The following TRAF7 variants were observed in gnomAD, a reference collection of about 807,000 sequenced individuals.
TRAF7 encodes E3 ubiquitin-protein ligase TRAF7.
Under a neutral mutation model 89.3 loss-of-function variants are expected in TRAF7, and 45 were observed. The observed-to-expected ratio is 0.50, with a 90% CI of 0.40 to 0.65. TRAF7 has a LOEUF of 0.65. Ranked by LOEUF, TRAF7 falls within the 30% of genes least tolerant of loss-of-function variation. The pLI, the probability that TRAF7 is intolerant of heterozygous loss-of-function variation, is 0.00. For missense variants in TRAF7, 677 were observed against 918.1 expected (o/e 0.74, Z 3.39); for synonymous variants, 406 against 369.2 (o/e 1.10, Z -1.14).
chr16:2,163,797 C>A lies in TRAF7; in HGVS notation c.-38-86C>A. The A allele has an allele frequency of 1.1e-6, 1 of 882,710 alleles. No homozygotes were observed. 54.7% of individuals were successfully genotyped at this position (882,710 alleles called of 1,614,324 possible). A position where few individuals can be genotyped will look rare whatever the true frequency, so the allele number is the denominator to read the frequency against. On this transcript the variant is annotated intron_variant, in intron 1 of 20. Transcript: ENST00000326181. This position sits in a 1 kb window ranked among gnomAD's most constrained non-coding sequence, Gnocchi z 4.3. ...GCGGCGGCCCCACGGTGCCCCACAGCAGGTCTGCACACTTGCAGCAGCCCG... is the reference window on the plus strand; with the variant it reads ...GCGGCGGCCCCACGGTGCCCCACAGAAGGTCTGCACACTTGCAGCAGCCCG...
In TRAF7 at chr16:2,168,147, G is replaced by T. The variant is rs751496214; in HGVS notation, c.210G>T (p.Pro70=). The change falls in exon 4 of 21, where the codon CCG becomes CCT. Residue 70 remains proline, a synonymous_variant. Transcript: ENST00000326181. The surrounding 1 kb of genome is among the most constrained non-coding windows in gnomAD (Gnocchi z 4.1). ...PSSSSTLAYS[P]RDEEDSMPPI... ...CCTCCAGCACCCTTGCCTACTCCCC[G>T]CGGGACGAGGAGGACAGCATGGTAG... is the stretch of plus-strand genomic sequence containing the variant. 2 of 1,611,566 alleles carry T rather than the reference G, an allele frequency of 1.2e-6. No homozygotes were observed. The highest frequency in any genetic ancestry group is 1.3e-5 in the African/African-American group (1 of 74,848).
chr16:2,175,045 C>T, intron 14 of TRAF7, 66 bp from the exon 15 acceptor site: 2 of 1,604,784 alleles, frequency 1.2e-6, no homozygotes, highest in Non-Finnish European at 1.7e-6. Context: ...ACCTCGGGCC[C>T]TGCCAGGGCG....
At position 2,170,741 on chromosome 16, in the gene TRAF7, G is replaced by T; in HGVS notation, c.348+11G>T. 6.3e-7 allele frequency: 1 copy of T among 1,589,600 alleles called. No homozygotes were observed. Among genetic ancestry groups the T allele is most frequent in the East Asian group, 2.3e-5 (1 of 43,440 alleles). ...GAGGAGGAGGAGCCGGTAGGTGTGG[G>T]GGACTCGGCGCAGAGCGGCTTCCAG... is the stretch of plus-strand genomic sequence containing the variant. On this transcript the variant is annotated intron_variant, in intron 5 of 20. Coordinates refer to ENST00000326181, the MANE Select transcript of TRAF7 (RefSeq NM_032271.3).
Position 2,174,039 on chromosome 16 carries a change from G to A in TRAF7, c.1254G>A (p.Lys418=). The A allele has an allele frequency of 6.2e-7, 1 of 1,613,170 alleles. No individual in the cohort carries two copies. The highest frequency in any genetic ancestry group is 8.5e-7 in the Non-Finnish European group (1 of 1,180,000). Residue 418 remains lysine (K), a synonymous_variant, in exon 13 of 21, where the codon AAG becomes AAA. Coordinates refer to ENST00000326181, the MANE Select transcript of TRAF7 (RefSeq NM_032271.3). Reference sequence around the variant, plus strand: ...TGCTCTTCAGTGGCTCCTCTGACAAGACCATCAAGGTGGGCAGGGTCCTAC... The same window carrying A: ...TGCTCTTCAGTGGCTCCTCTGACAAAACCATCAAGGTGGGCAGGGTCCTAC... The part of the protein sequence containing the change: ...GDLLFSGSSD[K]TIKVWDTCTT...
chr16:2,175,477 C>T (rs375087081), intron 16 of TRAF7, 23 bp from the exon 17 acceptor site: 8 of 1,612,786 alleles, frequency 5.0e-6, no homozygotes, highest in Non-Finnish European at 6.8e-6. Flanking sequence ...CCGCCCAGCC[C>T]ACAGTTGCAG....
chr16:2,172,462 C>T lies in TRAF7; in HGVS notation c.660-3C>T. ...GGCCTCCCCGCATCCCGCCCTGGCA[C>T]AGGGACCACGAGGGCAGCTGTGACT... On this transcript the variant is annotated splice_region_variant and splice_polypyrimidine_tract_variant and intron_variant, in intron 8 of 20. Coordinates refer to ENST00000326181, the MANE Select transcript of TRAF7 (RefSeq NM_032271.3). 6.2e-7 allele frequency: 1 copy of T among 1,610,624 alleles called. No homozygotes were observed. The highest frequency in any genetic ancestry group is 1.1e-5 in the South Asian group (1 of 90,558).
chr16:2,177,735 A>G lies in TRAF7; in HGVS notation c.*1161A>G, dbSNP rs544507949. 1 of 241,512 alleles carries G rather than the reference A, an allele frequency of 4.1e-6. No homozygotes were observed. The highest frequency in any genetic ancestry group is 6.2e-5 in the East Asian group (1 of 16,094). The allele number at this position is 241,512 out of a possible 1,614,324, so 15.0% of individuals were successfully genotyped here. ...ACGCTGACACACCCACATTCACCAA[A>G]CCCACCCGCGCCCTGGGACGCAGCC... On this transcript the variant is annotated 3_prime_UTR_variant, in exon 21 of 21. Transcript: ENST00000326181.
chr16:2,156,843 G>A (rs1018650654), intron 1 of TRAF7, among the ~76,000 whole-genome samples: 4 of 152,196 alleles, frequency 2.6e-5, no homozygotes, highest in Non-Finnish European at 5.9e-5. Flanking sequence ...GTGGACCACA[G>A]ACTTCAGAGT....
intron 16 of TRAF7, 29 bp from the exon 17 acceptor site, chr16:2,175,471 C>T (rs748352764): frequency 1.2e-6 from 2 of 1,612,686 alleles, no homozygotes; most frequent in East Asian, 2.2e-5. Flanking sequence ...CCTTGCCCGC[C>T]CAGCCCACAG....
In TRAF7 at chr16:2,178,005, G is replaced by A. The variant is rs1038895788; in HGVS notation, c.*1431G>A. The A allele has an allele frequency of 5.0e-6, 2 of 400,228 alleles. No individual in the cohort carries two copies. The highest frequency in any genetic ancestry group is 9.4e-6 in the Non-Finnish European group (2 of 212,230). 24.8% of individuals were successfully genotyped at this position (400,228 alleles called of 1,614,324 possible). On this transcript the variant is annotated 3_prime_UTR_variant, in exon 21 of 21. Coordinates refer to ENST00000326181, the MANE Select transcript of TRAF7 (RefSeq NM_032271.3). ...CTTCGTGTCCTTTCAGTTGGTAAAT[G>A]GTTTTCTATAGAATCAATAATATTT...
rs1041315590 is a variant in TRAF7, at chr16:2,158,221, A to T, written c.-39+2363A>T. ...TCAGTGGGTGGGCACCGAGGACTTC[A>T]CCAGGCCCTCTGTGTGGATCATGCG... On this transcript the variant is annotated intron_variant, in intron 1 of 20. Transcript: ENST00000326181. This position sits in a 1 kb window ranked among gnomAD's most constrained non-coding sequence, Gnocchi z 4.7. 6.6e-6 allele frequency among the ~76,000 whole-genome samples: 1 copy of T among 152,132 alleles called. No individual in the cohort carries two copies. Among genetic ancestry groups the T allele is most frequent in the Admixed American group, 6.5e-5 (1 of 15,276 alleles).
At chr16:2,160,708 AC>A (rs1032629085) in intron 1 of TRAF7, among the ~76,000 whole-genome samples, 1 of 151,722 alleles carries the variant, frequency 6.6e-6, no homozygotes, top group East Asian at 1.9e-4. Context: ...TATGGAACAC[AC>A]CCCCACTTCC....
rs1212941309 is a variant in TRAF7 at position 2,161,598 on chromosome 16, G to C, written c.-38-2285G>C. On this transcript the variant is annotated intron_variant, in intron 1 of 20. Transcript: ENST00000326181. This position sits in a 1 kb window ranked among gnomAD's most constrained non-coding sequence, Gnocchi z 5.2. ...TGCAGTACAGGGAGCTGATGGGTTT[G>C]TAAAATGCAGGTCAGTGTCTCCTAG... is the stretch of plus-strand genomic sequence containing the variant. Among the ~76,000 whole-genome samples the C allele has an allele frequency of 2.6e-5, 4 of 152,174 alleles. No individual in the cohort carries two copies. Among genetic ancestry groups the C allele is most frequent in the African/African-American group, 7.2e-5 (3 of 41,452 alleles).
At chr16:2,167,044 G>A (rs1481562679) in intron 3 of TRAF7, among the ~76,000 whole-genome samples, 3 of 152,170 alleles carry the variant, frequency 2.0e-5, no homozygotes, top group South Asian at 2.1e-4. Context: ...TTACAGTAGC[G>A]CCTCTTTGCT....
chr16:2,161,198 T>G lies in TRAF7; in HGVS notation c.-38-2685T>G. ...CCTTCCCTCCCTCCTTCCGTCCCCC[T>G]CCCTCCCTCCGTCCCCCTGCTTCCC... is the stretch of plus-strand genomic sequence containing the variant. On this transcript the variant is annotated intron_variant, in intron 1 of 20. Transcript: ENST00000326181. This position sits in a 1 kb window ranked among gnomAD's most constrained non-coding sequence, Gnocchi z 5.2. Among the ~76,000 whole-genome samples the G allele has an allele frequency of 4.7e-5, 1 of 21,456 alleles. No homozygotes were observed. The highest frequency in any genetic ancestry group is 1.5e-3 in the South Asian group (1 of 686). 14.1% of individuals were successfully genotyped at this position (21,456 alleles called of 152,430 possible). A position where few individuals can be genotyped will look rare whatever the true frequency, so the allele number is the denominator to read the frequency against.
At chr16:2,173,742 C>G (rs2093123246) in intron 11 of TRAF7, 46 bp from the exon 12 acceptor site, 1 of 1,605,028 alleles carries the variant, frequency 6.2e-7, no homozygotes, top group East Asian at 2.3e-5. Flanking sequence ...ACTGGCCCCA[C>G]AGCAGCCCTG....
Position 2,177,054 on chromosome 16 carries a change from C to A in TRAF7, c.*480C>A. 3.3e-6 allele frequency: 1 copy of A among 301,372 alleles called. No homozygotes were observed. Among genetic ancestry groups the A allele is most frequent in the Non-Finnish European group, 6.3e-6 (1 of 158,646 alleles). The allele number at this position is 301,372 out of a possible 1,614,324, so 18.7% of individuals were successfully genotyped here. A position where few individuals can be genotyped will look rare whatever the true frequency, so the allele number is the denominator to read the frequency against. Reference sequence around the variant, plus strand: ...GCATGGGGCAGTTTCCTTTGGTGGACCCCAGGACTTCGGCCCACTCCGGGG... The same window carrying A: ...GCATGGGGCAGTTTCCTTTGGTGGAACCCAGGACTTCGGCCCACTCCGGGG... On this transcript the variant is annotated 3_prime_UTR_variant, in exon 21 of 21. Transcript: ENST00000326181.
At chr16:2,164,087 C>A in intron 2 of TRAF7, 86 bp downstream of exon 2, 3 of 1,298,750 alleles carry the variant, frequency 2.3e-6, no homozygotes, top group Non-Finnish European at 3.2e-6. Context: ...GAGCTCCCAG[C>A]GCAGTCCCGT....
In TRAF7 at chr16:2,173,463, TCTC is replaced by T. The variant is rs780954189; in HGVS notation, c.1013-12_1013-10del. The T allele has an allele frequency of 1.6e-5, 25 of 1,612,870 alleles. No individual in the cohort carries two copies. The highest frequency in any genetic ancestry group is 1.4e-4 in the South Asian group (13 of 91,076). ...TGCTCCGGGCACCAGTGACACCCCC[TCTC>T]CTCCTGCTACTCAGACGTCCTGGAC... On this transcript the variant is annotated splice_polypyrimidine_tract_variant and intron_variant, in intron 10 of 20. Coordinates refer to ENST00000326181, the MANE Select transcript of TRAF7 (RefSeq NM_032271.3).
Sources: allele counts gnomAD v4.1 joint callset (sites outside exome capture counted in the v4.1 genomes callset), GRCh38; gene constraint gnomAD v4.1.1; non-coding constraint Gnocchi (gnomAD v3.1); transcripts MANE v1.5; gene names NCBI Gene and HGNC (gene_info 2026-07-23, HGNC 2026-07-21).